Variants in TPO observed in about 807,000 individuals in gnomAD.
The protein encoded by TPO is thyroid peroxidase.
Under a neutral mutation model 96.9 loss-of-function variants are expected in TPO, and 78 were observed. That is an observed-to-expected ratio of 0.81 (90% CI 0.67 to 0.97). The LOEUF is 0.97. Ranked by LOEUF, TPO falls within the 50% of genes least tolerant of loss-of-function variation. The pLI is 0.00. For missense variants in TPO, 1,252 were observed against 1,274.8 expected (o/e 0.98, Z 0.27); for synonymous variants, 547 against 538.0 (o/e 1.02, Z -0.23).
rs909426053 is a variant in TPO, at chr2:1,456,075, G to A, written c.613-1G>A. The A allele has an allele frequency of 4.3e-6, 7 of 1,613,418 alleles. No individual in the cohort carries two copies. The highest frequency in any genetic ancestry group is 1.3e-5 in the African/African-American group (1 of 74,904). On this transcript the variant is annotated splice_acceptor_variant, in intron 6 of 16. Coordinates refer to ENST00000329066, the MANE Select transcript of TPO (RefSeq NM_001206744.2). LOFTEE classifies it high-confidence loss of function. ...CTGACCAATGGTCTCTTCCTACCCA[G>A]GTCCGGGAGGTGACAAGACATGTCA...
chr2:1,438,393 C>G (rs996205913), intron 5 of TPO, among the ~76,000 whole-genome samples: 10 of 152,154 alleles, frequency 6.6e-5, no homozygotes, highest in African/African-American at 2.4e-4. Context: ...CTCCGTGGCC[C>G]GAAGCACTTT....
At chr2:1,531,020 T>A (rs1490409314) in intron 15 of TPO, among the ~76,000 whole-genome samples, 1 of 84,638 alleles carries the variant, frequency 1.2e-5, no homozygotes, top group Non-Finnish European at 2.2e-5. Context: ...AACCTCACCC[T>A]ATCTTTCCCA....
intron 5 of TPO, among the ~76,000 whole-genome samples, chr2:1,436,986 T>C (rs2070879): frequency 0.86 from 130,643 of 152,168 alleles, 56,312 homozygotes; most frequent in South Asian, 0.94. Flanking sequence ...CAGTGGTGAC[T>C]GCCCACCTCC....
chr2:1,468,775 T>C (rs1252800772), intron 7 of TPO, among the ~76,000 whole-genome samples: 1 of 152,240 alleles, frequency 6.6e-6, no homozygotes, highest in African/African-American at 2.4e-5. Context: ...AGGGAGGTTT[T>C]CCTCGATTAT....
intron 7 of TPO, among the ~76,000 whole-genome samples, chr2:1,470,453 C>T (rs1053275065): frequency 2.6e-5 from 4 of 151,534 alleles, no homozygotes; most frequent in African/African-American, 7.3e-5. Context: ...GGTCGATTTT[C>T]GTCAATTTTT....
chr2:1,524,809 T>C (rs1212607840), intron 15 of TPO, among the ~76,000 whole-genome samples: 8 of 123,210 alleles, frequency 6.5e-5, no homozygotes, highest in African/African-American at 2.5e-4. Flanking sequence ...ATCCCCCAAC[T>C]GTGTGCCACT....
chr2:1,383,588 ATTTG>A (rs1661843643), intron 1 of TPO, among the ~76,000 whole-genome samples: 1 of 152,010 alleles, frequency 6.6e-6, no homozygotes. Context: ...TTTCTTGCAA[ATTTG>A]TTTGAGTTCT....
At chr2:1,380,116 C>G (rs1202595010) in intron 1 of TPO, among the ~76,000 whole-genome samples, 1 of 152,082 alleles carries the variant, frequency 6.6e-6, no homozygotes, top group African/African-American at 2.4e-5. Flanking sequence ...ATTTATTGGC[C>G]AGGTGCGGTG....
intron 3 of TPO, among the ~76,000 whole-genome samples, chr2:1,425,506 T>G (rs575901084): frequency 6.6e-6 from 1 of 152,082 alleles, no homozygotes; most frequent in Admixed American, 6.5e-5. Flanking sequence ...GTACTCCTTC[T>G]GTAAAGTCAT....
At chr2:1,541,356 C>T (rs1055777210) in intron 16 of TPO, 4 of 257,328 alleles carry the variant, frequency 1.6e-5, no homozygotes, top group Non-Finnish European at 2.5e-5. Context: ...ATTGCTAAAA[C>T]AATAGGTTTT....
At chr2:1,453,325 CTT>C in intron 5 of TPO, among the ~76,000 whole-genome samples, 1 of 152,314 alleles carries the variant, frequency 6.6e-6, no homozygotes, top group South Asian at 2.1e-4. Context: ...CAAATGATCT[CTT>C]TGTTTGGAGT....
chr2:1,487,787 G>T, intron 9 of TPO, 34 bp from the exon 10 acceptor site: 5 of 1,613,806 alleles, frequency 3.1e-6, no homozygotes, highest in Non-Finnish European at 4.2e-6. Flanking sequence ...ACTGAGCCAA[G>T]AGCTGTCCTT....
intron 7 of TPO, among the ~76,000 whole-genome samples, chr2:1,461,090 G>T (rs1668386460): frequency 6.6e-6 from 1 of 152,192 alleles, no homozygotes; most frequent in Admixed American, 6.5e-5. Context: ...GACACGGGTA[G>T]CCCTGAGGCC....
At chr2:1,396,392 G>T (rs1662080617) in intron 1 of TPO, among the ~76,000 whole-genome samples, 1 of 152,240 alleles carries the variant, frequency 6.6e-6, no homozygotes, top group Non-Finnish European at 1.5e-5. Context: ...TCTGAGATTG[G>T]CAGAAGTATA....
chr2:1,495,965 T>A, intron 11 of TPO, 24 bp from the exon 12 acceptor site: 1 of 1,608,130 alleles, frequency 6.2e-7, no homozygotes, highest in Non-Finnish European at 8.5e-7. Flanking sequence ...ACTGTGACCT[T>A]ACTCACTGTC....
intron 15 of TPO, among the ~76,000 whole-genome samples, chr2:1,533,460 A>C (rs1678830377): frequency 2.3e-5 from 1 of 44,024 alleles, no homozygotes; most frequent in Non-Finnish European, 4.0e-5. Flanking sequence ...CACTGTGTGC[A>C]ACCTCCCCAA....
At chr2:1,440,455 A>T (rs1666054895) in intron 5 of TPO, among the ~76,000 whole-genome samples, 1 of 152,234 alleles carries the variant, frequency 6.6e-6, no homozygotes, top group Admixed American at 6.5e-5. Context: ...AAGTAGTGGA[A>T]AAGAATGATT....
intron 7 of TPO, among the ~76,000 whole-genome samples, chr2:1,470,454 G>T (rs149895233): frequency 1.3e-5 from 2 of 151,484 alleles, no homozygotes; most frequent in African/African-American, 4.8e-5. Context: ...GTCGATTTTC[G>T]TCAATTTTTT....
intron 1 of TPO, among the ~76,000 whole-genome samples, chr2:1,399,364 A>C (rs1662131309): frequency 6.6e-6 from 1 of 152,220 alleles, no homozygotes. Context: ...CCAAAGGAGA[A>C]TCTTTCCAAG....
Sources: allele counts gnomAD v4.1 joint callset (sites outside exome capture counted in the v4.1 genomes callset), GRCh38; gene constraint gnomAD v4.1.1; transcripts MANE v1.5; gene names NCBI Gene and HGNC (gene_info 2026-07-23, HGNC 2026-07-21).